The following HCN1 variants were observed in gnomAD, a reference collection of about 807,000 sequenced individuals.
HCN1 encodes potassium/sodium hyperpolarization-activated cyclic nucleotide-gated channel 1.
A neutral mutation model predicts 78.9 loss-of-function variants in HCN1; 13 were observed. The ratio of observed to expected loss-of-function variants is 0.16; its 90% confidence interval spans 0.11 to 0.26. HCN1 has a LOEUF of 0.26. HCN1 is among the 10% of genes least tolerant of loss of function. The pLI is 1.00. For synonymous variants in HCN1, 552 were observed against 455.5 expected, an observed-to-expected ratio of 1.21 and a Z score of -2.70; for missense variants, 810 against 1,154.3, an observed-to-expected ratio of 0.70 and a Z score of 4.32.
intron 5 of HCN1, among the ~76,000 whole-genome samples, chr5:45,343,006 A>T (rs922063260): frequency 1.3e-5 from 2 of 152,240 alleles, no homozygotes; most frequent in African/African-American, 2.4e-5. Context: ...ATCCAGTCTC[A>T]TAGCTGATCA....
intron 5 of HCN1, among the ~76,000 whole-genome samples, chr5:45,321,522 T>G (rs1243758321): frequency 6.6e-6 from 1 of 151,864 alleles, no homozygotes; most frequent in Non-Finnish European, 1.5e-5. Context: ...AAACCACAGC[T>G]TTATATTTTG....
intron 2 of HCN1, chr5:45,479,997 T>G (rs1741612966): frequency 6.6e-6 from 1 of 152,618 alleles, no homozygotes; most frequent in Non-Finnish European, 1.5e-5. Context: ...GACTTACCAT[T>G]TTCTCTGGAA....
intron 2 of HCN1, among the ~76,000 whole-genome samples, chr5:45,509,065 T>C (rs1020728721): frequency 1.3e-5 from 2 of 152,262 alleles, no homozygotes; most frequent in Non-Finnish European, 2.9e-5. Context: ...TACTTTCAAG[T>C]CCTTTAAACA....
At position 45,256,743 on chromosome 5, in the gene HCN1, A is replaced by C. The variant is rs1028703947; in HGVS notation, c.*5178T>G. The C allele has an allele frequency of 6.6e-6, 1 of 151,924 alleles. No homozygotes were observed. The highest frequency in any genetic ancestry group is 1.5e-5 in the Non-Finnish European group (1 of 68,006). 9.4% of individuals were successfully genotyped at this position (151,924 alleles called of 1,614,324 possible). A position where few individuals can be genotyped will look rare whatever the true frequency, so the allele number is the denominator to read the frequency against. ...AAGTATATACTGGTCAATTAAAAAA[A>C]TTTTTTTTCCTTGTAGAGACCAGGT... On this transcript the variant is annotated 3_prime_UTR_variant, in exon 8 of 8. Transcript: ENST00000303230.
chr5:45,484,505 C>A lies in HCN1; in HGVS notation c.850-22498G>T, dbSNP rs147863075. Among the ~76,000 whole-genome samples the A allele has an allele frequency of 5.3e-4, 81 of 152,202 alleles. No homozygotes were observed. In the East Asian group the frequency reaches 0.015, roughly 29 times the overall value. On this transcript the variant is annotated intron_variant, in intron 2 of 7. Transcript: ENST00000303230. ...TTCCAGGGAAGCCCTTTGGTGCAGA[C>A]ATGACTCAAAGAGGGGGTCCCCTTG...
At chr5:45,351,514 A>C (rs376741338) in intron 5 of HCN1, among the ~76,000 whole-genome samples, 14 of 95,340 alleles carry the variant, frequency 1.5e-4, no homozygotes, top group Middle Eastern at 4.5e-3. Context: ...ACAAAAGACA[A>C]AATTGACAAA....
At chr5:45,387,938 G>C (rs1337610340) in intron 4 of HCN1, among the ~76,000 whole-genome samples, 1 of 152,136 alleles carries the variant, frequency 6.6e-6, no homozygotes, top group Non-Finnish European at 1.5e-5. Context: ...TAAAAGCTAT[G>C]TGAATGTTTA....
intron 1 of HCN1, among the ~76,000 whole-genome samples, chr5:45,658,911 A>C (rs1327250268): frequency 2.1e-5 from 3 of 146,132 alleles, no homozygotes; most frequent in Admixed American, 6.8e-5. Flanking sequence ...TTGCTTAGGT[A>C]AACAAAGCAG....
At chr5:45,440,470 G>T (rs1043794218) in intron 3 of HCN1, among the ~76,000 whole-genome samples, 1 of 152,032 alleles carries the variant, frequency 6.6e-6, no homozygotes, top group Non-Finnish European at 1.5e-5. Flanking sequence ...CCCCTCTTGT[G>T]ACTACCCACT....
At chr5:45,265,143 T>G (rs375617218) in intron 7 of HCN1, among the ~76,000 whole-genome samples, 3 of 149,836 alleles carry the variant, frequency 2.0e-5, no homozygotes, top group East Asian at 3.9e-4. Flanking sequence ...TGAGCCGAGA[T>G]CACACCACTG....
At chr5:45,633,842 T>G (rs1338009692) in intron 2 of HCN1, among the ~76,000 whole-genome samples, 1 of 151,992 alleles carries the variant, frequency 6.6e-6, no homozygotes, top group Non-Finnish European at 1.5e-5. Context: ...AACAGAGTTC[T>G]TCAAAAATTG....
At chr5:45,436,653 A>G (rs1740565082) in intron 3 of HCN1, among the ~76,000 whole-genome samples, 1 of 152,218 alleles carries the variant, frequency 6.6e-6, no homozygotes, top group Admixed American at 6.5e-5. Context: ...TTACAATATT[A>G]TAAATACAAT....
chr5:45,590,278 C>A (rs568168458), intron 2 of HCN1, among the ~76,000 whole-genome samples: 1 of 152,212 alleles, frequency 6.6e-6, no homozygotes, highest in South Asian at 2.1e-4. Flanking sequence ...GGAAAACAGT[C>A]CAAAAATGTT....
chr5:45,516,883 T>C (rs1250683284), intron 2 of HCN1, among the ~76,000 whole-genome samples: 1 of 110,838 alleles, frequency 9.0e-6, no homozygotes, highest in Non-Finnish European at 1.8e-5. Flanking sequence ...TCATGTCCCA[T>C]ATATTATAGA....
intron 2 of HCN1, among the ~76,000 whole-genome samples, chr5:45,478,888 C>T (rs1281386057): frequency 6.6e-6 from 1 of 152,078 alleles, no homozygotes; most frequent in Admixed American, 6.6e-5. Flanking sequence ...CTTTGGGAGG[C>T]CGAGGCGGGC....
intron 1 of HCN1, among the ~76,000 whole-genome samples, chr5:45,686,417 C>A (rs1739810600): frequency 6.6e-6 from 1 of 152,150 alleles, no homozygotes; most frequent in South Asian, 2.1e-4. Context: ...TCATTAGCTG[C>A]CAACTGTGGA....
chr5:45,494,112 AC>A (rs966575543), intron 2 of HCN1, among the ~76,000 whole-genome samples: 11 of 152,082 alleles, frequency 7.2e-5, no homozygotes, highest in African/African-American at 2.7e-4. Flanking sequence ...TTGGGTATAT[AC>A]CCAGTAATGG....
At chr5:45,602,872 A>C (rs530176874) in intron 2 of HCN1, among the ~76,000 whole-genome samples, 1 of 152,184 alleles carries the variant, frequency 6.6e-6, no homozygotes, top group East Asian at 1.9e-4. Flanking sequence ...AATCAGTGAA[A>C]GTAGACGTGT....
intron 2 of HCN1, among the ~76,000 whole-genome samples, chr5:45,582,689 C>T (rs1481198211): frequency 7.9e-5 from 12 of 152,164 alleles, no homozygotes; most frequent in East Asian, 1.9e-4. Flanking sequence ...TTTTGAGATA[C>T]GTCCCATCAA....
Sources: gnomAD v4.1 joint callset for allele counts (sites outside exome capture counted in the v4.1 genomes callset) on GRCh38, gnomAD v4.1.1 for gene constraint, MANE v1.5 for transcripts, NCBI Gene and HGNC (gene_info 2026-07-23, HGNC 2026-07-21) for gene names.